BNC2: variants seen among roughly 807,000 people sequenced by gnomAD.
BNC2 encodes the protein zinc finger protein basonuclin-2.
A neutral mutation model predicts 76.3 loss-of-function variants in BNC2; 20 were observed. The observed-to-expected ratio is 0.26, with a 90% CI of 0.18 to 0.38. BNC2 has a LOEUF of 0.38. Among genes scored for constraint, BNC2 ranks in the 10% least tolerant of loss-of-function variants. BNC2 has a pLI of 1.00. For synonymous variants in BNC2, 582 were observed against 514.8 expected, an observed-to-expected ratio of 1.13 and a Z score of -1.77; for missense variants, 1,382 against 1,399.8, an observed-to-expected ratio of 0.99 and a Z score of 0.20.
At chr9:16,626,119 CAT>C (rs927445927) in intron 3 of BNC2, 2 of 152,154 alleles carry the variant, frequency 1.3e-5, no homozygotes, top group African/African-American at 4.8e-5. Flanking sequence ...TTAGCACAGA[CAT>C]GTGTACTGAA....
intron 3 of BNC2, among the ~76,000 whole-genome samples, chr9:16,586,862 C>G (rs113277737): frequency 6.6e-6 from 1 of 152,120 alleles, no homozygotes; most frequent in Non-Finnish European, 1.5e-5. Flanking sequence ...ATAAATGAAA[C>G]CCTTACACAG....
At chr9:16,775,629 C>A (rs1825944777) in intron 1 of BNC2, 3 of 189,384 alleles carry the variant, frequency 1.6e-5, no homozygotes, top group Admixed American at 5.2e-5. Context: ...TCCCAGTGGG[C>A]CTGAACTTTC....
chr9:16,640,564 AC>A (rs1455945646), intron 3 of BNC2, among the ~76,000 whole-genome samples: 1 of 152,172 alleles, frequency 6.6e-6, no homozygotes, highest in Non-Finnish European at 1.5e-5. Flanking sequence ...AAATTATACA[AC>A]TCAATTAAGC....
At chr9:16,588,926 A>C (rs1819843722) in intron 3 of BNC2, among the ~76,000 whole-genome samples, 1 of 152,098 alleles carries the variant, frequency 6.6e-6, no homozygotes, top group Admixed American at 6.6e-5. Flanking sequence ...AACTGATAAA[A>C]CTCCTATTAG....
At position 16,419,080 on chromosome 9, in the gene BNC2, C is replaced by T; in HGVS notation, c.3209G>A (p.Cys1070Tyr). 6.2e-7 allele frequency: 1 copy of T among 1,614,184 alleles called. No homozygotes were observed. Among genetic ancestry groups the T allele is most frequent in the Non-Finnish European group, 8.5e-7 (1 of 1,180,032 alleles). Residue 1070 changes from cysteine (C) to tyrosine (Y), a missense_variant, in exon 7 of 7, where the codon TGC becomes TAC. Cys to Tyr is a radical substitution (Grantham distance 194). This residue lies in a region of BNC2 where 798 missense variants were observed against 775.5 expected (regional missense o/e 1.03). Coordinates refer to ENST00000380672, the MANE Select transcript of BNC2 (RefSeq NM_017637.6). ...TCGTACAGAGGAAAACATCATATTG[C>T]AACCTGGGACTTTGCACTTGTGCAT... ...REMHKCKVPG[C>Y]NMMFSSVRSR...
intron 4 of BNC2, among the ~76,000 whole-genome samples, chr9:16,556,766 C>CAAAA (rs397936765): frequency 0.14 from 17,628 of 126,886 alleles, 1,600 homozygotes; most frequent in African/African-American, 0.25. Flanking sequence ...GACTCTAACT[C>CAAAA]AAAAAAAAAA....
intron 3 of BNC2, among the ~76,000 whole-genome samples, chr9:16,623,882 TTGTG>T (rs1278090282): frequency 6.6e-6 from 1 of 152,186 alleles, no homozygotes. Flanking sequence ...AACTGATGTA[TTGTG>T]TATTTTTGTC....
At chr9:16,475,243 T>A (rs1303700963) in intron 5 of BNC2, among the ~76,000 whole-genome samples, 1 of 152,216 alleles carries the variant, frequency 6.6e-6, no homozygotes, top group Non-Finnish European at 1.5e-5. Flanking sequence ...ACTGTACATA[T>A]AACATAGCCT....
intron 6 of BNC2, among the ~76,000 whole-genome samples, chr9:16,426,938 A>G (rs1357616775): frequency 1.3e-5 from 2 of 152,220 alleles, no homozygotes; most frequent in Admixed American, 6.5e-5. Context: ...ACCATATAGC[A>G]CTGAACTTTT....
At chr9:16,471,460 A>G (rs1463263766) in intron 5 of BNC2, among the ~76,000 whole-genome samples, 1 of 151,808 alleles carries the variant, frequency 6.6e-6, no homozygotes, top group African/African-American at 2.4e-5. Context: ...TGCCCAGCTG[A>G]TTTTTGTAGT....
intron 1 of BNC2, among the ~76,000 whole-genome samples, chr9:16,811,673 G>A (rs12552030): frequency 6.6e-6 from 1 of 151,158 alleles, no homozygotes; most frequent in Non-Finnish European, 1.5e-5. Flanking sequence ...CTGCTCTTAA[G>A]AAAGGAGTGC....
intron 3 of BNC2, among the ~76,000 whole-genome samples, chr9:16,583,512 A>T (rs1281364862): frequency 6.6e-6 from 1 of 152,194 alleles, no homozygotes; most frequent in Non-Finnish European, 1.5e-5. Flanking sequence ...AAAGTAAAAT[A>T]TGGCACACAA....
In BNC2 at chr9:16,673,443, A is replaced by AC. The variant is rs1393995029; in HGVS notation, c.330+54353_330+54354insG. Reference sequence around the variant, plus strand: ...CATTCTGAGATTTAAAAAAAAAAAAAACACACACACACACACACACATACA... The same window carrying AC: ...CATTCTGAGATTTAAAAAAAAAAAAACACACACACACACACACACACATACA... On this transcript the variant is annotated intron_variant, in intron 3 of 6. Transcript: ENST00000380672. Among the ~76,000 whole-genome samples, 87 of 145,632 alleles carry AC rather than the reference A, an allele frequency of 6.0e-4. 1 individual carries two copies. The highest frequency in any genetic ancestry group is 1.0e-3 in the East Asian group (5 of 5,022).
At chr9:16,788,515 T>C (rs553613423) in intron 1 of BNC2, among the ~76,000 whole-genome samples, 2 of 143,596 alleles carry the variant, frequency 1.4e-5, no homozygotes, top group African/African-American at 5.3e-5. Flanking sequence ...ATGACGCCAC[T>C]GCACTCCACC....
intron 1 of BNC2, among the ~76,000 whole-genome samples, chr9:16,797,363 C>T (rs1817683093): frequency 6.6e-6 from 1 of 152,166 alleles, no homozygotes; most frequent in Admixed American, 6.5e-5. Context: ...ATGAGCTCCT[C>T]TGTACTATAG....
At chr9:16,862,192 T>A (rs771819794) in intron 1 of BNC2, among the ~76,000 whole-genome samples, 3 of 152,070 alleles carry the variant, frequency 2.0e-5, no homozygotes, top group Admixed American at 1.3e-4. Context: ...AATGAAAACA[T>A]TATGTCCACA....
At chr9:16,724,931 T>C (rs897109783) in intron 3 of BNC2, among the ~76,000 whole-genome samples, 3 of 152,004 alleles carry the variant, frequency 2.0e-5, no homozygotes, top group African/African-American at 7.2e-5. Flanking sequence ...ATCAGGAAAA[T>C]ATTAGTTTTT....
chr9:16,831,474 C>T (rs1010948291), intron 1 of BNC2, among the ~76,000 whole-genome samples: 2 of 152,220 alleles, frequency 1.3e-5, no homozygotes, highest in Admixed American at 6.5e-5. Context: ...TTGCAGCTAA[C>T]TTTTATGAGA....
intron 1 of BNC2, among the ~76,000 whole-genome samples, chr9:16,807,062 T>C (rs1423072984): frequency 6.6e-6 from 1 of 152,240 alleles, no homozygotes; most frequent in East Asian, 1.9e-4. Flanking sequence ...CTTTCTTGAC[T>C]AATATCATGA....
Sources: allele counts gnomAD v4.1 joint callset (sites outside exome capture counted in the v4.1 genomes callset), GRCh38; gene constraint gnomAD v4.1.1; regional missense constraint gnomAD v4.1.1; transcripts MANE v1.5; gene names NCBI Gene and HGNC (gene_info 2026-07-23, HGNC 2026-07-21).